NAALADL2: variants seen among roughly 807,000 people sequenced by gnomAD.
NAALADL2 encodes N-acetylated alpha-linked acidic dipeptidase like 2.
A neutral mutation model predicts 87.2 loss-of-function variants in NAALADL2; 76 were observed. The observed-to-expected ratio is 0.87, with a 90% CI of 0.72 to 1.05. The LOEUF (loss-of-function observed/expected upper bound fraction) is 1.05. Among genes scored for constraint, NAALADL2 ranks in the 50% least tolerant of loss-of-function variants. The probability of loss-of-function intolerance (pLI) is 0.00; values close to 1 mark genes in which losing one functional copy is unlikely to be tolerated. For missense variants in NAALADL2, 1,089 were observed against 945.8 expected (o/e 1.15, Z -1.99); for synonymous variants, 354 against 331.0 (o/e 1.07, Z -0.75).
chr3:175,530,019 C>G (rs1009267892), intron 9 of NAALADL2, among the ~76,000 whole-genome samples: 1 of 152,138 alleles, frequency 6.6e-6, no homozygotes, highest in Non-Finnish European at 1.5e-5. Context: ...AAATTGGGCA[C>G]TCAGCAGTGG....
chr3:175,599,247 G>T (rs539860859), intron 10 of NAALADL2, among the ~76,000 whole-genome samples: 1 of 151,886 alleles, frequency 6.6e-6, no homozygotes, highest in Non-Finnish European at 1.5e-5. Context: ...CTGTCACATA[G>T]GAATCATTAT....
At chr3:175,785,213 A>G (rs992582307) in intron 13 of NAALADL2, among the ~76,000 whole-genome samples, 1 of 149,398 alleles carries the variant, frequency 6.7e-6, no homozygotes, top group Non-Finnish European at 1.5e-5. Flanking sequence ...GTAGATGTCT[A>G]TTAGGTCTGC....
chr3:175,056,442 C>T (rs1712187325), intron 1 of NAALADL2, among the ~76,000 whole-genome samples: 1 of 152,180 alleles, frequency 6.6e-6, no homozygotes, highest in Non-Finnish European at 1.5e-5. Flanking sequence ...TAGTTTTCCA[C>T]ATTCTCCAAC....
chr3:174,887,392 T>G (rs1274251097), intron 1 of NAALADL2, among the ~76,000 whole-genome samples: 1 of 152,214 alleles, frequency 6.6e-6, no homozygotes, highest in African/African-American at 2.4e-5. Context: ...TAATCAATTA[T>G]ATATGTTCTG....
chr3:174,812,178 A>G lies in NAALADL2; in HGVS notation c.-9+74432A>G, dbSNP rs139085207. Among the ~76,000 whole-genome samples, 977 of 152,284 alleles carry G rather than the reference A, an allele frequency of 6.4e-3. 8 individuals are homozygous for G. Among genetic ancestry groups the G allele is most frequent in the Middle Eastern group, 0.024 (7 of 294 alleles). ...AATAGCAGCGTGAGAATGGACAAAT[A>G]CAAATTGCTTATTGTTCTGAACCAT... On this transcript the variant is annotated intron_variant, in intron 3 of 3. Transcript: ENST00000434257.
intron 1 of NAALADL2, among the ~76,000 whole-genome samples, chr3:174,481,024 C>T (rs535439750): frequency 3.3e-5 from 5 of 152,144 alleles, no homozygotes; most frequent in African/African-American, 7.2e-5. Context: ...GATTATTCTC[C>T]AGCCAGTGAG....
chr3:174,493,353 A>T (rs1465498996), intron 1 of NAALADL2, among the ~76,000 whole-genome samples: 1 of 152,208 alleles, frequency 6.6e-6, no homozygotes, highest in African/African-American at 2.4e-5. Context: ...TTATATAAAG[A>T]TACAGGAAGA....
intron 1 of NAALADL2, among the ~76,000 whole-genome samples, chr3:174,976,688 A>C (rs1181361996): frequency 6.6e-6 from 1 of 152,254 alleles, no homozygotes; most frequent in Non-Finnish European, 1.5e-5. Context: ...CTACCATCAA[A>C]TACATTCATC....
intron 9 of NAALADL2, among the ~76,000 whole-genome samples, chr3:175,522,677 G>T (rs1342801891): frequency 6.6e-6 from 1 of 152,136 alleles, no homozygotes; most frequent in East Asian, 1.9e-4. Flanking sequence ...TCTCATACCT[G>T]ATCTCACTTC....
chr3:174,906,335 G>A (rs1293813068), intron 1 of NAALADL2, among the ~76,000 whole-genome samples: 2 of 152,026 alleles, frequency 1.3e-5, no homozygotes, highest in African/African-American at 4.8e-5. Flanking sequence ...ATACCCTTTG[G>A]AATACCCCTG....
At chr3:174,654,297 T>C (rs902248395) in intron 2 of NAALADL2, among the ~76,000 whole-genome samples, 1 of 152,148 alleles carries the variant, frequency 6.6e-6, no homozygotes, top group Non-Finnish European at 1.5e-5. Flanking sequence ...TCAATAAATA[T>C]TAAATGACAT....
At chr3:174,629,580 T>G (rs1281483620) in intron 2 of NAALADL2, among the ~76,000 whole-genome samples, 1 of 152,244 alleles carries the variant, frequency 6.6e-6, no homozygotes, top group Non-Finnish European at 1.5e-5. Flanking sequence ...ATTTATAATA[T>G]GCTTTTAATG....
chr3:175,576,517 A>G (rs1718917393), intron 10 of NAALADL2, among the ~76,000 whole-genome samples: 1 of 152,210 alleles, frequency 6.6e-6, no homozygotes, highest in Non-Finnish European at 1.5e-5. Context: ...GACATGTGCA[A>G]TAGATTCTCC....
In NAALADL2 at chr3:175,318,789, T is replaced by C. The variant is rs148529275; in HGVS notation, c.940-5386T>C. On this transcript the variant is annotated intron_variant, in intron 4 of 13. Transcript: ENST00000454872. ...CCCCTCCTCACCTTTGTAATTAAAC[T>C]ACTCTCCCCAACCGCTCTCTAGCAA... 5.9e-5 allele frequency among the ~76,000 whole-genome samples: 9 copies of C among 152,314 alleles called. No individual in the cohort carries two copies. In the East Asian group the frequency reaches 1.7e-3, roughly 29 times the overall value.
At chr3:174,462,195 T>C (rs528978963) in intron 1 of NAALADL2, among the ~76,000 whole-genome samples, 1 of 152,232 alleles carries the variant, frequency 6.6e-6, no homozygotes, top group South Asian at 2.1e-4. Context: ...CTTAAATATT[T>C]CTTTTTCAAT....
At chr3:174,942,597 C>T (rs533403777) in intron 1 of NAALADL2, among the ~76,000 whole-genome samples, 2 of 152,094 alleles carry the variant, frequency 1.3e-5, no homozygotes, top group South Asian at 2.1e-4. Flanking sequence ...AGGCTGGAGA[C>T]GTTTTCATGA....
intron 9 of NAALADL2, among the ~76,000 whole-genome samples, chr3:175,502,668 C>T (rs1729720119): frequency 6.7e-6 from 1 of 149,892 alleles, no homozygotes; most frequent in Non-Finnish European, 1.5e-5. Flanking sequence ...TGAGTCAATT[C>T]GTTATAATAA....
At chr3:175,572,613 C>T (rs1288704548) in intron 9 of NAALADL2, among the ~76,000 whole-genome samples, 2 of 151,982 alleles carry the variant, frequency 1.3e-5, no homozygotes, top group East Asian at 3.9e-4. Context: ...TAATTATGTA[C>T]TTAAAAGAAA....
At chr3:174,810,865 A>G (rs1450358427) in intron 3 of NAALADL2, among the ~76,000 whole-genome samples, 4 of 152,146 alleles carry the variant, frequency 2.6e-5, no homozygotes, top group Admixed American at 2.6e-4. Flanking sequence ...CTGGAGGCCT[A>G]AGAGGAAAGA....
Sources: gnomAD v4.1 joint callset for allele counts (sites outside exome capture counted in the v4.1 genomes callset) on GRCh38, gnomAD v4.1.1 for gene constraint, MANE v1.5 for transcripts, NCBI Gene and HGNC (gene_info 2026-07-23, HGNC 2026-07-21) for gene names.